GLTP: variants seen among roughly 807,000 people sequenced by gnomAD.
The protein encoded by GLTP is glycolipid transfer protein.
In GLTP, 22 loss-of-function variants were observed where a neutral mutation model predicts 24.0. The ratio of observed to expected loss-of-function variants is 0.92; its 90% confidence interval spans 0.65 to 1.31. GLTP has a LOEUF of 1.31. Among genes scored for constraint, GLTP ranks in the 50% most tolerant of loss-of-function variants. GLTP has a pLI of 0.00. For missense variants in GLTP, 224 were observed against 276.6 expected (o/e 0.81, Z 1.35); for synonymous variants, 92 against 115.9 (o/e 0.79, Z 1.33).
chr12:109,872,796 A>G (rs977001298), intron 1 of GLTP, among the ~76,000 whole-genome samples: 2 of 152,212 alleles, frequency 1.3e-5, no homozygotes, highest in African/African-American at 4.8e-5. Flanking sequence ...CCAGGCACAC[A>G]ATCTAAATCA....
rs1443067443 is a variant in GLTP at position 109,851,869 on chromosome 12, C to CA, written c.*685dup. The CA allele has an allele frequency of 4.2e-5, 6 of 143,782 alleles. No homozygotes were observed. In the East Asian group the frequency reaches 1.2e-3, roughly 28 times the overall value. The allele number at this position is 143,782 out of a possible 1,614,324, so 8.9% of individuals were successfully genotyped here. A position where few individuals can be genotyped will look rare whatever the true frequency, so the allele number is the denominator to read the frequency against. On this transcript the variant is annotated 3_prime_UTR_variant, in exon 5 of 5. Transcript: ENST00000318348. ...CCACCTCTTTTTTTTTTTTTTGAGA[C>CA]AGAGTTTCGCTCTTGTTGCCCAGGC...
chr12:109,865,952 C>T (rs955999265), intron 1 of GLTP, among the ~76,000 whole-genome samples: 17 of 152,088 alleles, frequency 1.1e-4, no homozygotes, highest in African/African-American at 3.9e-4. Context: ...TTATAAAAAA[C>T]AGAAACCTCC....
In GLTP at chr12:109,860,257, C is replaced by T. The variant is rs552285511; in HGVS notation, c.104-1516G>A. ...CCTCCCAAAGTGCTGGGATTACAGG[C>T]GTGAGCCACTGTGCCCAGCCTCGTT... is the stretch of plus-strand genomic sequence containing the variant. On this transcript the variant is annotated intron_variant, in intron 1 of 4. Transcript: ENST00000318348. 4.1e-5 allele frequency: 8 copies of T among 195,060 alleles called. No individual in the cohort carries two copies. In the East Asian group the frequency reaches 8.6e-4, roughly 21 times the overall value. The allele number at this position is 195,060 out of a possible 1,614,324, so 12.1% of individuals were successfully genotyped here.
At chr12:109,870,470 AAAAAT>A (rs61486850) in intron 1 of GLTP, among the ~76,000 whole-genome samples, 88,479 of 148,536 alleles carry the variant, frequency 0.6, 26,763 homozygotes, top group South Asian at 0.7. Context: ...ACTCTGTCTC[AAAAAT>A]AAAATAAAAT....
chr12:109,868,919 T>A (rs963901410), intron 1 of GLTP, among the ~76,000 whole-genome samples: 4 of 152,146 alleles, frequency 2.6e-5, no homozygotes, highest in Non-Finnish European at 4.4e-5. Flanking sequence ...TGAGATTACC[T>A]ACATTTCTAA....
intron 1 of GLTP, among the ~76,000 whole-genome samples, chr12:109,868,152 A>G (rs902032815): frequency 2.0e-5 from 3 of 152,220 alleles, no homozygotes; most frequent in Non-Finnish European, 4.4e-5. Context: ...CTACAGACAC[A>G]TGTCACTACG....
intron 1 of GLTP, among the ~76,000 whole-genome samples, chr12:109,871,527 G>T (rs935437104): frequency 2.6e-5 from 4 of 152,140 alleles, no homozygotes; most frequent in African/African-American, 9.7e-5. Flanking sequence ...TCCTGATGTG[G>T]TGTTGGTCTC....
At chr12:109,864,447 C>T (rs1868457929) in intron 1 of GLTP, among the ~76,000 whole-genome samples, 1 of 152,194 alleles carries the variant, frequency 6.6e-6, no homozygotes, top group South Asian at 2.1e-4. Context: ...GACTTAACCA[C>T]TCCAGGTTCA....
At chr12:109,863,114 G>A (rs1002430126) in intron 1 of GLTP, among the ~76,000 whole-genome samples, 31 of 152,306 alleles carry the variant, frequency 2.0e-4, no homozygotes, top group African/African-American at 7.5e-4. Flanking sequence ...ACTGATGGAT[G>A]GATGGACAGA....
chr12:109,852,171 G>A lies in GLTP; in HGVS notation c.*384C>T, dbSNP rs1372709549. 2 of 157,940 alleles carry A rather than the reference G, an allele frequency of 1.3e-5. No individual in the cohort carries two copies. The highest frequency in any genetic ancestry group is 1.4e-5 in the Non-Finnish European group (1 of 71,974). 9.8% of individuals were successfully genotyped at this position (157,940 alleles called of 1,614,324 possible). A position where few individuals can be genotyped will look rare whatever the true frequency, so the allele number is the denominator to read the frequency against. ...GCCATCATGTGCTTATTTTTAAAGCGAGGTGGATGACACCATTCCCCCAGA... is the reference window on the plus strand; with the variant it reads ...GCCATCATGTGCTTATTTTTAAAGCAAGGTGGATGACACCATTCCCCCAGA... On this transcript the variant is annotated 3_prime_UTR_variant, in exon 5 of 5. Coordinates refer to ENST00000318348, the MANE Select transcript of GLTP (RefSeq NM_016433.4).
chr12:109,867,944 A>G (rs1470388915), intron 1 of GLTP, among the ~76,000 whole-genome samples: 1 of 127,688 alleles, frequency 7.8e-6, no homozygotes, highest in African/African-American at 2.9e-5. Flanking sequence ...CGCCTGGCTA[A>G]TTTTTTGTAT....
At position 109,880,470 on chromosome 12, in the gene GLTP, C is replaced by T; in HGVS notation, c.-96G>A. The T allele has an allele frequency of 2.9e-6, 1 of 345,998 alleles. No individual in the cohort carries two copies. Among genetic ancestry groups the T allele is most frequent in the Non-Finnish European group, 4.6e-6 (1 of 215,124 alleles). 21.4% of individuals were successfully genotyped at this position (345,998 alleles called of 1,614,324 possible). A position where few individuals can be genotyped will look rare whatever the true frequency, so the allele number is the denominator to read the frequency against. On this transcript the variant is annotated 5_prime_UTR_variant, in exon 1 of 5. Coordinates refer to ENST00000318348, the MANE Select transcript of GLTP (RefSeq NM_016433.4). This position sits in a 1 kb window ranked among gnomAD's most constrained non-coding sequence, Gnocchi z 5.1. ...CCGTCAGCGCCGGGGCCGTCACAGC[C>T]GCCCGCCGCAGGCTCCGGGGACGCC...
chr12:109,852,373 CA>C lies in GLTP; in HGVS notation c.*181del, dbSNP rs56313678. ...TATTTACTGGTCCTTTAGAATAGAC[CA>C]AAAAAAAAAAAAAAAAAGACTTAAA... On this transcript the variant is annotated 3_prime_UTR_variant, in exon 5 of 5. Coordinates refer to ENST00000318348, the MANE Select transcript of GLTP (RefSeq NM_016433.4). The C allele has an allele frequency of 0.14, 39,487 of 282,402 alleles. 324 individuals are homozygous for C. The highest frequency in any genetic ancestry group is 0.25 in the East Asian group (5,046 of 20,346). 17.5% of individuals were successfully genotyped at this position (282,402 alleles called of 1,614,324 possible).
At chr12:109,869,223 C>T (rs1482865221) in intron 1 of GLTP, among the ~76,000 whole-genome samples, 2 of 142,876 alleles carry the variant, frequency 1.4e-5, no homozygotes, top group African/African-American at 5.3e-5. Flanking sequence ...TCACTTGAAC[C>T]CAGGATGGGG....
chr12:109,857,494 A>G lies in GLTP; in HGVS notation c.296+32T>C. 6.2e-7 allele frequency: 1 copy of G among 1,610,978 alleles called. No individual in the cohort carries two copies. On this transcript the variant is annotated intron_variant, in intron 3 of 4. Coordinates refer to ENST00000318348, the MANE Select transcript of GLTP (RefSeq NM_016433.4). The surrounding 1 kb of genome is among the most constrained non-coding windows in gnomAD (Gnocchi z 4.3). ...GTTTGCTTTCCCTCCTCTGCAGCAC[A>G]GAGCCCAGGCCCTGCCACCTGAGCC...
At chr12:109,869,711 C>T (rs575890383) in intron 1 of GLTP, among the ~76,000 whole-genome samples, 15 of 151,284 alleles carry the variant, frequency 9.9e-5, no homozygotes, top group East Asian at 7.8e-4. Context: ...CCTTGTGATC[C>T]GCCTGCCTCG....
intron 1 of GLTP, among the ~76,000 whole-genome samples, chr12:109,864,060 G>T (rs1868445787): frequency 6.6e-6 from 1 of 152,200 alleles, no homozygotes; most frequent in Non-Finnish European, 1.5e-5. Context: ...CAGAAGCTGG[G>T]CCCCAACAGC....
intron 1 of GLTP, among the ~76,000 whole-genome samples, chr12:109,876,234 T>C (rs1374782004): frequency 6.6e-6 from 1 of 152,092 alleles, no homozygotes; most frequent in Non-Finnish European, 1.5e-5. Flanking sequence ...TCCCAGCTAC[T>C]TGGGAGGCCG....
intron 1 of GLTP, among the ~76,000 whole-genome samples, chr12:109,879,499 G>A (rs780707805): frequency 6.6e-6 from 1 of 152,148 alleles, no homozygotes; most frequent in African/African-American, 2.4e-5. Flanking sequence ...ACATACAGGG[G>A]AGGGGCTTCC....
Sources: gnomAD v4.1 joint callset for allele counts (sites outside exome capture counted in the v4.1 genomes callset) on GRCh38, gnomAD v4.1.1 for gene constraint, Gnocchi (gnomAD v3.1) non-coding constraint, MANE v1.5 for transcripts, NCBI Gene and HGNC (gene_info 2026-07-23, HGNC 2026-07-21) for gene names.